Variants in SCFD2 observed in about 807,000 individuals in gnomAD.
The protein encoded by SCFD2 is sec1 family domain-containing protein 2.
SCFD2 carries 54 observed loss-of-function variants against 58.9 expected under a neutral mutation model. The observed-to-expected ratio is 0.92, with a 90% CI of 0.74 to 1.15. SCFD2 has a LOEUF of 1.15. Among genes scored for constraint, SCFD2 ranks in the 50% most tolerant of loss-of-function variants. SCFD2 has a pLI of 0.00. For missense variants in SCFD2, 805 were observed against 836.6 expected, an observed-to-expected ratio of 0.96 and a Z score of 0.47; for synonymous variants, 321 against 335.9, an observed-to-expected ratio of 0.96 and a Z score of 0.49.
chr4:53,268,226 C>T (rs1228368733), intron 4 of SCFD2, among the ~76,000 whole-genome samples: 2 of 151,896 alleles, frequency 1.3e-5, no homozygotes, highest in Non-Finnish European at 2.9e-5. Flanking sequence ...GACAGTCTCG[C>T]AGGGGTTGTT....
At chr4:52,883,318 A>G (rs1718663496) in intron 8 of SCFD2, among the ~76,000 whole-genome samples, 1 of 152,182 alleles carries the variant, frequency 6.6e-6, no homozygotes, top group Non-Finnish European at 1.5e-5. Context: ...CATCCAGGTA[A>G]TTCACCTCCT....
intron 5 of SCFD2, among the ~76,000 whole-genome samples, chr4:53,028,979 G>A (rs1722548911): frequency 6.6e-6 from 1 of 152,286 alleles, no homozygotes; most frequent in South Asian, 2.1e-4. Flanking sequence ...ATATTTTATA[G>A]CTTGCTTTGA....
At chr4:53,044,916 C>CGCCA (rs1337973164) in intron 5 of SCFD2, among the ~76,000 whole-genome samples, 1,547 of 110,292 alleles carry the variant, frequency 0.014, 246 homozygotes, top group African/African-American at 0.086. Context: ...ACCCCCCCCC[C>CGCCA]CCGCCCACAA....
intron 4 of SCFD2, among the ~76,000 whole-genome samples, chr4:53,178,314 G>A (rs1306050401): frequency 3.9e-5 from 6 of 152,150 alleles, no homozygotes; most frequent in Non-Finnish European, 7.4e-5. Context: ...CCAGAGGAAC[G>A]GTCAGGCAGC....
chr4:53,268,694 G>T (rs141619427), intron 4 of SCFD2, among the ~76,000 whole-genome samples: 401 of 152,234 alleles, frequency 2.6e-3, no homozygotes, highest in African/African-American at 9.2e-3. Context: ...CAGAGGCAGG[G>T]GCAGCACAGG....
chr4:52,962,472 T>A (rs1466446456), intron 5 of SCFD2, among the ~76,000 whole-genome samples: 1 of 152,188 alleles, frequency 6.6e-6, no homozygotes, highest in Non-Finnish European at 1.5e-5. Context: ...TAGTCTTCCC[T>A]ATAAATGTCG....
At chr4:53,152,447 G>A (rs777388313) in intron 4 of SCFD2, among the ~76,000 whole-genome samples, 4 of 152,142 alleles carry the variant, frequency 2.6e-5, no homozygotes, top group Admixed American at 2.0e-4. Context: ...GCTACAAGGA[G>A]TGAATATTAA....
At chr4:53,061,316 G>A (rs1723503019) in intron 5 of SCFD2, among the ~76,000 whole-genome samples, 2 of 152,118 alleles carry the variant, frequency 1.3e-5, no homozygotes, top group South Asian at 4.1e-4. Context: ...TCTTCTCACG[G>A]AGTCCTCACA....
chr4:53,231,172 T>C (rs1729425507), intron 4 of SCFD2, among the ~76,000 whole-genome samples: 1 of 152,094 alleles, frequency 6.6e-6, no homozygotes, highest in African/African-American at 2.4e-5. Flanking sequence ...TGAAAACTAG[T>C]TTTTTAAAAA....
chr4:52,928,104 G>A (rs566249726), intron 5 of SCFD2, among the ~76,000 whole-genome samples: 12 of 152,252 alleles, frequency 7.9e-5, no homozygotes, highest in Middle Eastern at 3.4e-3. Flanking sequence ...GGAGACCGAG[G>A]TGGGAGGATC....
rs540311188 is a variant in SCFD2 at position 53,201,638 on chromosome 4, C to T, written c.1312-56056G>A. ...ATGGTTGAACTAGTTTACAGTCCCA[C>T]CAACAGTGTAAAAGTGTTCCTATTT... On this transcript the variant is annotated intron_variant, in intron 4 of 8. Transcript: ENST00000401642. 2.7e-3 allele frequency among the ~76,000 whole-genome samples: 412 copies of T among 152,214 alleles called. 1 individual carries two copies. Among genetic ancestry groups the T allele is most frequent in the African/African-American group, 9.5e-3 (394 of 41,534 alleles).
At chr4:53,248,508 G>C (rs1240667631) in intron 4 of SCFD2, among the ~76,000 whole-genome samples, 4 of 152,224 alleles carry the variant, frequency 2.6e-5, no homozygotes, top group Non-Finnish European at 5.9e-5. Flanking sequence ...AACCTCTGCA[G>C]ACTTAAATGT....
At chr4:53,154,421 C>A (rs1425887795) in intron 4 of SCFD2, among the ~76,000 whole-genome samples, 2 of 152,164 alleles carry the variant, frequency 1.3e-5, no homozygotes, top group African/African-American at 4.8e-5. Context: ...CACATAAACT[C>A]TGAGCAAGAA....
intron 3 of SCFD2, among the ~76,000 whole-genome samples, chr4:53,282,527 T>C (rs562720252): frequency 1.2e-4 from 19 of 152,288 alleles, no homozygotes; most frequent in Non-Finnish European, 2.2e-4. Flanking sequence ...CCTTAAAGTA[T>C]ACAATTCAGT....
intron 2 of SCFD2, among the ~76,000 whole-genome samples, chr4:53,335,947 T>G (rs1427461821): frequency 6.6e-6 from 1 of 152,144 alleles, no homozygotes; most frequent in African/African-American, 2.4e-5. Flanking sequence ...CTCTGAGTAA[T>G]CTCTTTATAT....
At chr4:53,291,768 G>C (rs980322123) in intron 3 of SCFD2, among the ~76,000 whole-genome samples, 1 of 151,994 alleles carries the variant, frequency 6.6e-6, no homozygotes, top group African/African-American at 2.4e-5. Flanking sequence ...CATGGTACTG[G>C]TACCAAAACA....
rs111916976 is a variant in SCFD2, at chr4:53,219,012, G to A, written c.1311+54814C>T. ...GTTCCTCTGGAAGCTTCAGCTCAGA[G>A]GGGTACCCGGCCGTGTGAGGTGTCA... On this transcript the variant is annotated intron_variant, in intron 4 of 8. Coordinates refer to ENST00000401642, the MANE Select transcript of SCFD2 (RefSeq NM_152540.4). Among the ~76,000 whole-genome samples, 1,351 of 152,284 alleles carry A rather than the reference G, an allele frequency of 8.9e-3. 32 individuals are homozygous for A. Among genetic ancestry groups the A allele is most frequent in the African/African-American group, 0.031 (1,274 of 41,542 alleles).
intron 5 of SCFD2, among the ~76,000 whole-genome samples, chr4:53,009,040 T>A (rs1175231951): frequency 6.6e-6 from 1 of 152,190 alleles, no homozygotes; most frequent in Non-Finnish European, 1.5e-5. Flanking sequence ...ATGGCTTTCC[T>A]TTGGATGGTC....
intron 4 of SCFD2, among the ~76,000 whole-genome samples, chr4:53,242,405 C>T (rs1729924685): frequency 2.0e-5 from 3 of 152,242 alleles, no homozygotes; most frequent in South Asian, 4.2e-4. Flanking sequence ...GAAAGGAAGC[C>T]AGTTGACTGA....
Sources: allele counts gnomAD v4.1 joint callset (sites outside exome capture counted in the v4.1 genomes callset), GRCh38; gene constraint gnomAD v4.1.1; transcripts MANE v1.5; gene names NCBI Gene and HGNC (gene_info 2026-07-23, HGNC 2026-07-21).